The following RNF111 variants were observed in gnomAD, a reference collection of about 807,000 sequenced individuals.
RNF111 encodes the protein E3 ubiquitin-protein ligase Arkadia.
A neutral mutation model predicts 95.1 loss-of-function variants in RNF111; 17 were observed. That is an observed-to-expected ratio of 0.18 (90% CI 0.12 to 0.27). RNF111 has a LOEUF of 0.27. Ranked by LOEUF, RNF111 falls within the 10% of genes least tolerant of loss-of-function variation. The pLI is 1.00. For missense variants in RNF111, 1,189 were observed against 1,210.4 expected, an observed-to-expected ratio of 0.98 and a Z score of 0.26; for synonymous variants, 440 against 414.8, an observed-to-expected ratio of 1.06 and a Z score of -0.74.
intron 2 of RNF111, among the ~76,000 whole-genome samples, chr15:59,050,817 C>T (rs2041944503): frequency 6.6e-6 from 1 of 152,150 alleles, no homozygotes; most frequent in South Asian, 2.1e-4. Context: ...AAGTTTTAAA[C>T]ATACAATACG....
chr15:59,027,578 G>A (rs1310893386), intron 1 of RNF111, among the ~76,000 whole-genome samples: 1 of 151,728 alleles, frequency 6.6e-6, no homozygotes, highest in African/African-American at 2.4e-5. Context: ...GCCCAGGCTG[G>A]AGTGCAATGG....
chr15:59,094,399 A>G (rs766856949), intron 13 of RNF111, among the ~76,000 whole-genome samples: 4 of 152,228 alleles, frequency 2.6e-5, no homozygotes, highest in Non-Finnish European at 5.9e-5. Flanking sequence ...GATAATATGT[A>G]TTTTTAAAGG....
At chr15:59,037,582 A>G (rs1248831946) in intron 2 of RNF111, among the ~76,000 whole-genome samples, 1 of 152,194 alleles carries the variant, frequency 6.6e-6, no homozygotes, top group Non-Finnish European at 1.5e-5. Context: ...CACACCTGTA[A>G]TCTCAGCACT....
At position 59,081,036 on chromosome 15, in the gene RNF111, T is replaced by G. The variant is rs1344528060; in HGVS notation, c.2049T>G (p.Tyr683Ter). The G allele has an allele frequency of 6.2e-7, 1 of 1,614,064 alleles. No individual in the cohort carries two copies. The highest frequency in any genetic ancestry group is 1.7e-5 in the Admixed American group (1 of 59,998). The stretch of plus-strand genomic sequence containing the variant: ...CTCAGCCTCCGCCTCAAGTGGATTA[T>G]GTTATTCCTCATCCTGTACATGCTT... ...PQTQPPPQVD[Y>*]VIPHPVHAFH... Residue 683 changes from tyrosine to a stop codon, truncating the protein, a stop_gained, in exon 8 of 14, where the codon TAT becomes TAG. Transcript: ENST00000348370. LOFTEE classifies it high-confidence loss of function.
chr15:59,053,075 T>A (rs1416828024), intron 3 of RNF111, among the ~76,000 whole-genome samples: 2 of 152,212 alleles, frequency 1.3e-5, no homozygotes, highest in African/African-American at 4.8e-5. Flanking sequence ...AATATGTTAC[T>A]CATTGATACC....
chr15:59,088,853 C>G (rs60262196), intron 10 of RNF111, among the ~76,000 whole-genome samples: 38,794 of 152,108 alleles, frequency 0.26, 5,080 homozygotes, highest in East Asian at 0.41. Context: ...AACTTATTCT[C>G]TCCATAAGGT....
At chr15:58,990,645 C>G (rs1342289218) in intron 1 of RNF111, among the ~76,000 whole-genome samples, 1 of 152,212 alleles carries the variant, frequency 6.6e-6, no homozygotes, top group Admixed American at 6.5e-5. Flanking sequence ...CAGAGCGAGA[C>G]TGTTTCTCAA....
chr15:59,030,294 GAGA>G (rs1364183080), intron 1 of RNF111, among the ~76,000 whole-genome samples: 1 of 152,078 alleles, frequency 6.6e-6, no homozygotes, highest in Non-Finnish European at 1.5e-5. Flanking sequence ...AAATAGAAAA[GAGA>G]AGCTTATATT....
intron 8 of RNF111, 46 bp downstream of exon 8, chr15:59,081,330 C>A: frequency 6.7e-7 from 1 of 1,497,950 alleles, no homozygotes; most frequent in South Asian, 1.2e-5. Flanking sequence ...GCTTTTTCTT[C>A]TACTTCCATT....
At chr15:59,028,696 G>A (rs970493356) in intron 1 of RNF111, among the ~76,000 whole-genome samples, 19 of 151,692 alleles carry the variant, frequency 1.3e-4, no homozygotes, top group African/African-American at 3.9e-4. Context: ...CTGTTTATAA[G>A]TTTTTTTATG....
intron 1 of RNF111, among the ~76,000 whole-genome samples, chr15:59,018,104 A>G (rs2040157757): frequency 1.3e-5 from 2 of 152,260 alleles, no homozygotes; most frequent in Non-Finnish European, 2.9e-5. Context: ...TGCAGCAATC[A>G]TAATTATTAC....
intron 6 of RNF111, among the ~76,000 whole-genome samples, chr15:59,069,756 A>G (rs1443938714): frequency 6.6e-6 from 1 of 152,146 alleles, no homozygotes; most frequent in Non-Finnish European, 1.5e-5. Flanking sequence ...TGCTCATAAA[A>G]TAGCTTCATA....
In RNF111 at chr15:59,081,292, T is replaced by G; in HGVS notation, c.2297+8T>G. The G allele has an allele frequency of 6.2e-7, 1 of 1,607,090 alleles. No individual in the cohort carries two copies. Among genetic ancestry groups the G allele is most frequent in the Non-Finnish European group, 8.5e-7 (1 of 1,175,048 alleles). On this transcript the variant is annotated splice_region_variant and intron_variant, in intron 8 of 13. Coordinates refer to ENST00000348370, the MANE Select transcript of RNF111 (RefSeq NM_017610.8). ...GATGATGCAGCATCCAACGTATGTT[T>G]TACGTTTTTAAAAAGAAAGTCAAGT...
chr15:59,027,248 C>T (rs1159061987), intron 1 of RNF111, among the ~76,000 whole-genome samples: 7 of 152,168 alleles, frequency 4.6e-5, no homozygotes, highest in African/African-American at 1.7e-4. Flanking sequence ...CTGAAATCCA[C>T]CAGAACATAA....
rs58594305 is a variant in RNF111 at position 59,078,866 on chromosome 15, G to GAA, written c.1949-2055_1949-2054dup. Among the ~76,000 whole-genome samples, 559 of 103,916 alleles carry GAA rather than the reference G, an allele frequency of 5.4e-3. 5 individuals carry two copies. Among genetic ancestry groups the GAA allele is most frequent in the Non-Finnish European group, 0.01 (455 of 43,604 alleles). The allele number at this position is 103,916 out of a possible 152,430, so 68.2% of individuals were successfully genotyped here. On this transcript the variant is annotated intron_variant, in intron 7 of 13. Coordinates refer to ENST00000348370, the MANE Select transcript of RNF111 (RefSeq NM_017610.8). ...AGAGCGAGTCTCCCTCTCAAAAGAA[G>GAA]AAAAAAAAAAAAAAAAGAGAGGTAT... is the stretch of plus-strand genomic sequence containing the variant.
chr15:59,035,588 C>CTGCAAATTT (rs1198228294), intron 2 of RNF111, among the ~76,000 whole-genome samples: 20 of 152,208 alleles, frequency 1.3e-4, no homozygotes, highest in African/African-American at 4.8e-4. Flanking sequence ...CATTGTCAGG[C>CTGCAAATTT]TGCAAATTTT....
intron 2 of RNF111, among the ~76,000 whole-genome samples, chr15:59,038,421 G>A (rs2041289065): frequency 6.6e-6 from 1 of 152,074 alleles, no homozygotes; most frequent in African/African-American, 2.4e-5. Flanking sequence ...AGAGTCCCAG[G>A]ATCAGGAATT....
chr15:59,077,879 T>A (rs1270986302), intron 7 of RNF111, among the ~76,000 whole-genome samples: 2 of 152,244 alleles, frequency 1.3e-5, no homozygotes, highest in African/African-American at 4.8e-5. Flanking sequence ...TTTTGATAAC[T>A]CTGTTTTGGG....
intron 5 of RNF111, among the ~76,000 whole-genome samples, chr15:59,064,535 CAAA>C (rs35804813): frequency 1.2e-4 from 9 of 76,722 alleles, no homozygotes; most frequent in Non-Finnish European, 1.6e-4. Context: ...GACTTTGTCG[CAAA>C]AAAAAAAAAA....
Sources: gnomAD v4.1 joint callset for allele counts (sites outside exome capture counted in the v4.1 genomes callset) on GRCh38, gnomAD v4.1.1 for gene constraint, MANE v1.5 for transcripts, NCBI Gene and HGNC (gene_info 2026-07-23, HGNC 2026-07-21) for gene names.